Variants in ZNF532 observed in about 807,000 individuals in gnomAD.
ZNF532 encodes the protein zinc finger protein 532.
In ZNF532, 22 loss-of-function variants were observed where a neutral mutation model predicts 89.3. That is an observed-to-expected ratio of 0.25 (90% CI 0.18 to 0.35). The LOEUF (loss-of-function observed/expected upper bound fraction) is 0.35, where lower values mean the gene tolerates loss of function less well. ZNF532 is among the 10% of genes least tolerant of loss of function. The probability of loss-of-function intolerance (pLI) is 1.00; values close to 1 mark genes in which losing one functional copy is unlikely to be tolerated. For missense variants in ZNF532, 1,132 were observed against 1,643.4 expected (o/e 0.69, Z 5.38); for synonymous variants, 606 against 649.6 (o/e 0.93, Z 1.02).
intron 7 of ZNF532, among the ~76,000 whole-genome samples, chr18:58,967,535 C>T (rs1055073612): frequency 1.3e-5 from 2 of 152,182 alleles, no homozygotes; most frequent in African/African-American, 2.4e-5. Flanking sequence ...TTCATCCCCA[C>T]CCTGCCCCCC....
chr18:58,867,913 A>T (rs1009404004), intron 2 of ZNF532, among the ~76,000 whole-genome samples: 2 of 152,046 alleles, frequency 1.3e-5, no homozygotes, highest in Non-Finnish European at 2.9e-5. Context: ...CCCTGCCCCC[A>T]CCCACCTTGA....
intron 6 of ZNF532, 98 bp downstream of exon 6, chr18:58,948,327 C>T: frequency 1.6e-6 from 2 of 1,273,766 alleles, no homozygotes; most frequent in Non-Finnish European, 1.1e-6. Context: ...GCATGCCTCA[C>T]TGTCGAGGGA....
At chr18:58,907,763 T>C (rs1248091492) in intron 2 of ZNF532, among the ~76,000 whole-genome samples, 1 of 152,082 alleles carries the variant, frequency 6.6e-6, no homozygotes, top group Non-Finnish European at 1.5e-5. Flanking sequence ...CTAATTCTGA[T>C]CTCTCCCAAG....
At chr18:58,942,101 C>A (rs2063152817) in intron 5 of ZNF532, among the ~76,000 whole-genome samples, 1 of 150,604 alleles carries the variant, frequency 6.6e-6, no homozygotes, top group African/African-American at 2.4e-5. Flanking sequence ...CAGCTCACTG[C>A]AAGCTCCACC....
At chr18:58,915,833 CTCTTA>C (rs2060563149) in intron 2 of ZNF532, among the ~76,000 whole-genome samples, 2 of 152,184 alleles carry the variant, frequency 1.3e-5, no homozygotes, top group South Asian at 4.1e-4. Flanking sequence ...TTTGAATTAT[CTCTTA>C]TCTTCTTTTT....
At chr18:58,918,154 A>G in intron 2 of ZNF532, 117 bp from the exon 3 acceptor site, 1 of 904,122 alleles carries the variant, frequency 1.1e-6, no homozygotes, top group Non-Finnish European at 1.6e-6. Flanking sequence ...CCGTAAATGC[A>G]GTTACCTCCT....
At chr18:58,920,734 A>ATGTG in intron 3 of ZNF532, 101 bp downstream of exon 3, 1 of 487,016 alleles carries the variant, frequency 2.1e-6, no homozygotes. Flanking sequence ...AGTGAAATGG[A>ATGTG]CGTGTGTGTG....
At chr18:58,879,432 C>G (rs1321931607) in intron 2 of ZNF532, among the ~76,000 whole-genome samples, 1 of 152,196 alleles carries the variant, frequency 6.6e-6, no homozygotes, top group South Asian at 2.1e-4. Flanking sequence ...GAGTCTCGCT[C>G]TGTTGCCCAG....
intron 2 of ZNF532, among the ~76,000 whole-genome samples, chr18:58,875,417 A>G (rs925396660): frequency 5.3e-5 from 8 of 152,226 alleles, no homozygotes; most frequent in African/African-American, 1.7e-4. Context: ...GTGGGTGGAC[A>G]TTCAAATAAA....
intron 2 of ZNF532, among the ~76,000 whole-genome samples, chr18:58,880,568 A>G (rs1880082716): frequency 6.6e-6 from 1 of 152,218 alleles, no homozygotes; most frequent in Admixed American, 6.5e-5. Flanking sequence ...AGAAATTGCA[A>G]AAACAGTATG....
At chr18:58,977,095 T>G (rs1022090893) in intron 7 of ZNF532, among the ~76,000 whole-genome samples, 5 of 152,212 alleles carry the variant, frequency 3.3e-5, no homozygotes, top group African/African-American at 1.2e-4. Context: ...CCCCCAGAGA[T>G]GAACAGCATT....
At chr18:58,973,247 C>T (rs1267977661) in intron 7 of ZNF532, among the ~76,000 whole-genome samples, 1 of 152,162 alleles carries the variant, frequency 6.6e-6, no homozygotes, top group Non-Finnish European at 1.5e-5. Context: ...GGATTACAGG[C>T]ATGCACCACC....
intron 2 of ZNF532, among the ~76,000 whole-genome samples, chr18:58,870,084 T>G (rs1221354455): frequency 2.6e-5 from 4 of 150,984 alleles, no homozygotes. Flanking sequence ...TTTTTTTTTT[T>G]TTTTTTTTTT....
At chr18:58,888,843 A>G (rs1340413725) in intron 2 of ZNF532, among the ~76,000 whole-genome samples, 1 of 49,502 alleles carries the variant, frequency 2.0e-5, no homozygotes, top group African/African-American at 1.2e-4. Context: ...TATATAATTT[A>G]TATATATATA....
At chr18:58,863,639 C>A (rs1176234122), upstream of ZNF532, 5 of 103,542 alleles carry the variant, frequency 4.8e-5, no homozygotes, top group Non-Finnish European at 6.2e-5. Flanking sequence ...CCGACGACAG[C>A]AGCAGCAGCC....
In ZNF532 at chr18:58,981,533, G is replaced by A; in HGVS notation, c.3327G>A (p.Leu1109=). 1 of 1,614,122 alleles carries A rather than the reference G, an allele frequency of 6.2e-7. No individual in the cohort carries two copies. The highest frequency in any genetic ancestry group is 8.5e-7 in the Non-Finnish European group (1 of 1,180,010). ...KRLMLEKHVQ[L]MHGIKDPDLK... is the part of the protein sequence containing the mutation. ...TGATGCTGGAGAAGCACGTCCAGCT[G>A]ATGCATGGCATCAAGGACCCTGACC... Residue 1109 remains leucine (L), a synonymous_variant, in exon 9 of 10, where the codon CTG becomes CTA. Transcript: ENST00000591808.
At chr18:58,935,796 T>G (rs1311971017) in intron 4 of ZNF532, among the ~76,000 whole-genome samples, 1 of 152,112 alleles carries the variant, frequency 6.6e-6, no homozygotes, top group Non-Finnish European at 1.5e-5. Context: ...ATCTTAACAT[T>G]AAGTATTTGC....
chr18:58,957,406 C>CAT (rs58182199), intron 7 of ZNF532, among the ~76,000 whole-genome samples: 3,950 of 138,730 alleles, frequency 0.028, 71 homozygotes, highest in Admixed American at 0.045. Context: ...ACTTAAAATA[C>CAT]ATATATATAT....
intron 2 of ZNF532, among the ~76,000 whole-genome samples, chr18:58,877,979 G>A (rs1290820549): frequency 3.3e-5 from 5 of 152,154 alleles, no homozygotes; most frequent in African/African-American, 1.2e-4. Flanking sequence ...GGTTGGCTGG[G>A]CATGGTGGCT....
Sources: allele counts gnomAD v4.1 joint callset (sites outside exome capture counted in the v4.1 genomes callset), GRCh38; gene constraint gnomAD v4.1.1; transcripts MANE v1.5; gene names NCBI Gene and HGNC (gene_info 2026-07-23, HGNC 2026-07-21).